Variants in UBR3 observed in about 807,000 individuals in gnomAD.
UBR3 encodes E3 ubiquitin-protein ligase UBR3.
UBR3 carries 85 observed loss-of-function variants against 243.2 expected under a neutral mutation model. The observed-to-expected ratio is 0.35, with a 90% CI of 0.29 to 0.42. UBR3 has a LOEUF of 0.42. Among genes scored for constraint, UBR3 ranks in the 10% least tolerant of loss-of-function variants. The pLI is 1.00. For synonymous variants in UBR3, 748 were observed against 799.8 expected, an observed-to-expected ratio of 0.94 and a Z score of 1.09; for missense variants, 1,686 against 2,300.8, an observed-to-expected ratio of 0.73 and a Z score of 5.47.
chr2:170,039,320 C>G (rs2105430429), intron 31 of UBR3, among the ~76,000 whole-genome samples: 1 of 152,018 alleles, frequency 6.6e-6, no homozygotes, highest in Admixed American at 6.5e-5. Flanking sequence ...ATTAGGAGAT[C>G]ATTGTTGATC....
At chr2:170,014,011 T>G (rs1264012887) in intron 29 of UBR3, 1 of 454,886 alleles carries the variant, frequency 2.2e-6, no homozygotes, top group Admixed American at 2.4e-5. Flanking sequence ...GCAAATCGCC[T>G]GAAGGGTGGA....
chr2:169,972,454 G>T (rs1446436183), intron 24 of UBR3, among the ~76,000 whole-genome samples: 1 of 151,942 alleles, frequency 6.6e-6, no homozygotes, highest in Admixed American at 6.6e-5. Context: ...AGGCAGAGAC[G>T]CAACAAAAAA....
At chr2:169,854,856 G>A (rs555294721) in intron 1 of UBR3, among the ~76,000 whole-genome samples, 2 of 152,116 alleles carry the variant, frequency 1.3e-5, no homozygotes, top group South Asian at 2.1e-4. Flanking sequence ...TTGAGATTAG[G>A]AAGAGGTTAA....
intron 1 of UBR3, among the ~76,000 whole-genome samples, chr2:169,845,224 A>C (rs901457520): frequency 1.3e-5 from 2 of 151,832 alleles, no homozygotes; most frequent in African/African-American, 4.8e-5. Flanking sequence ...GGAGCTGGAG[A>C]CCAGCCTGGG....
At chr2:170,075,115 A>G (rs1372649592) in intron 36 of UBR3, among the ~76,000 whole-genome samples, 2 of 152,188 alleles carry the variant, frequency 1.3e-5, no homozygotes, top group South Asian at 2.1e-4. Flanking sequence ...AAAGATAAGC[A>G]TAAGTTATAA....
rs940025502 is a variant in UBR3 at position 169,827,460 on chromosome 2, C to T, written c.-48C>T. 5.7e-6 allele frequency: 7 copies of T among 1,218,196 alleles called. No homozygotes were observed. The highest frequency in any genetic ancestry group is 3.3e-5 in the East Asian group (1 of 30,678). The allele number at this position is 1,218,196 out of a possible 1,614,324, so 75.5% of individuals were successfully genotyped here. A position where few individuals can be genotyped will look rare whatever the true frequency, so the allele number is the denominator to read the frequency against. ...CGCAGCAGTCTATTCCCTCACTCTC[C>T]CTGGAGGAGCCGCTGGCCCTGGACT... is the stretch of plus-strand genomic sequence containing the variant. On this transcript the variant is annotated 5_prime_UTR_variant, in exon 1 of 39. Coordinates refer to ENST00000272793, the MANE Select transcript of UBR3 (RefSeq NM_172070.4).
At chr2:169,861,418 GC>G (rs1437426156) in intron 1 of UBR3, among the ~76,000 whole-genome samples, 2 of 152,094 alleles carry the variant, frequency 1.3e-5, no homozygotes, top group Non-Finnish European at 2.9e-5. Flanking sequence ...GACCAGCCTG[GC>G]CAACATGGTG....
At chr2:170,043,950 G>GAAAA (rs1209423437) in intron 32 of UBR3, among the ~76,000 whole-genome samples, 2 of 152,110 alleles carry the variant, frequency 1.3e-5, no homozygotes, top group African/African-American at 4.8e-5. Flanking sequence ...TAGGGTCAGA[G>GAAAA]AAAAAAATGC....
At chr2:170,063,415 G>A (rs2091492642) in intron 35 of UBR3, among the ~76,000 whole-genome samples, 1 of 152,102 alleles carries the variant, frequency 6.6e-6, no homozygotes, top group Admixed American at 6.5e-5. Flanking sequence ...CAGAGCTTTA[G>A]ATAGAAATTT....
At chr2:169,873,941 G>A (rs1225954523) in intron 2 of UBR3, among the ~76,000 whole-genome samples, 1 of 152,074 alleles carries the variant, frequency 6.6e-6, no homozygotes, top group Non-Finnish European at 1.5e-5. Context: ...TAATGAAAGA[G>A]TACTTCACAT....
At chr2:169,896,335 A>C (rs1428632619) in intron 7 of UBR3, among the ~76,000 whole-genome samples, 172 bp from the exon 8 acceptor site, 1 of 152,116 alleles carries the variant, frequency 6.6e-6, no homozygotes, top group Non-Finnish European at 1.5e-5. Flanking sequence ...ATATTTTGCA[A>C]ATGTTCCAAA....
chr2:169,832,007 T>C (rs2081955682), intron 1 of UBR3, among the ~76,000 whole-genome samples: 1 of 152,226 alleles, frequency 6.6e-6, no homozygotes, highest in African/African-American at 2.4e-5. Flanking sequence ...TTTTCACCAG[T>C]GTCTGACTGT....
chr2:169,967,236 C>A (rs1357220201), intron 24 of UBR3, among the ~76,000 whole-genome samples: 1 of 130,908 alleles, frequency 7.6e-6, no homozygotes, highest in Non-Finnish European at 1.7e-5. Context: ...GTATGCCCCC[C>A]CCACCCCCCT....
At chr2:169,890,540 G>GAGATATATATATATATATATATATATAT in intron 5 of UBR3, among the ~76,000 whole-genome samples, 1 of 75,998 alleles carries the variant, frequency 1.3e-5, no homozygotes, top group African/African-American at 6.4e-5. Context: ...GAGAGAGAGA[G>GAGATATATATATATATATATATATATAT]ATATATATAT....
intron 24 of UBR3, among the ~76,000 whole-genome samples, chr2:169,984,127 AT>A (rs981883097): frequency 7.4e-5 from 11 of 149,440 alleles, no homozygotes; most frequent in East Asian, 3.9e-4. Flanking sequence ...CATCATTTAG[AT>A]TTTTTTTTTA....
chr2:169,917,938 G>A (rs1328521365), intron 11 of UBR3, among the ~76,000 whole-genome samples: 1 of 152,094 alleles, frequency 6.6e-6, no homozygotes, highest in East Asian at 1.9e-4. Context: ...TTTGACCTCA[G>A]GTGATCCACC....
chr2:170,079,787 A>G (rs1023613059), intron 36 of UBR3, 27 bp from the exon 37 acceptor site: 14 of 1,574,470 alleles, frequency 8.9e-6, no homozygotes, highest in Non-Finnish European at 1.2e-5. Flanking sequence ...ACATAAAACT[A>G]ATGAATATTT....
intron 6 of UBR3, among the ~76,000 whole-genome samples, chr2:169,892,857 A>C (rs541839455): frequency 6.6e-6 from 1 of 152,320 alleles, no homozygotes; most frequent in South Asian, 2.1e-4. Context: ...TGAGGCCTTG[A>C]GGGCTTTAAC....
Position 169,827,972 on chromosome 2 carries a change from C to T in UBR3, c.465C>T (p.Thr155=), listed in dbSNP as rs745563942. The change falls in exon 1 of 39, where the codon ACC becomes ACT. Residue 155 remains threonine, a synonymous_variant. Transcript: ENST00000272793. The stretch of plus-strand genomic sequence containing the variant: ...AGTGCTTCCACCAGGGCGACCACAC[C>T]GGACACGACTTCAACATGTTCCGCA... The part of the protein sequence containing the change: ...CAECFHQGDH[T]GHDFNMFRSQ... The T allele has an allele frequency of 3.4e-6, 5 of 1,462,818 alleles. No homozygotes were observed. The highest frequency in any genetic ancestry group is 2.9e-5 in the East Asian group (1 of 34,584). The allele number at this position is 1,462,818 out of a possible 1,614,324, so 90.6% of individuals were successfully genotyped here.
Sources: gnomAD v4.1 joint callset for allele counts (sites outside exome capture counted in the v4.1 genomes callset) on GRCh38, gnomAD v4.1.1 for gene constraint, MANE v1.5 for transcripts, NCBI Gene and HGNC (gene_info 2026-07-23, HGNC 2026-07-21) for gene names.